LRRC37A2: variants seen among roughly 807,000 people sequenced by gnomAD.
LRRC37A2 encodes leucine-rich repeat-containing protein 37A2.
LRRC37A2 carries 9 observed loss-of-function variants against 68.8 expected under a neutral mutation model. That is an observed-to-expected ratio of 0.13 (90% CI 0.08 to 0.23). LRRC37A2 has a LOEUF of 0.23. LRRC37A2 is among the 10% of genes least tolerant of loss of function. The probability of loss-of-function intolerance (pLI) is 1.00; values close to 1 mark genes in which losing one functional copy is unlikely to be tolerated. For synonymous variants in LRRC37A2, 63 were observed against 367.6 expected (o/e 0.17, Z 9.48); for missense variants, 168 against 950.4 (o/e 0.18, Z 10.82).
the LRRC37A2 span, among the ~76,000 whole-genome samples, chr17:46,953,644 A>G: frequency 6.6e-6 from 1 of 152,198 alleles, no homozygotes. Context: ...CAATGGTTGA[A>G]CTAGTTTACA....
the LRRC37A2 span, among the ~76,000 whole-genome samples, chr17:46,873,723 G>A: frequency 6.6e-6 from 1 of 150,608 alleles, no homozygotes; most frequent in South Asian, 2.1e-4. Context: ...AAACACTGCA[G>A]TTGGCCGGTT....
the LRRC37A2 span, among the ~76,000 whole-genome samples, chr17:46,992,262 G>A: frequency 2.1e-5 from 3 of 142,126 alleles, no homozygotes; most frequent in South Asian, 6.6e-4. Context: ...CAGCTATGTG[G>A]GAAGCCGAGG....
At chr17:47,000,048 TAAAA>T in the LRRC37A2 span, among the ~76,000 whole-genome samples, 599 of 27,852 alleles carry the variant, frequency 0.022, 87 homozygotes, top group Admixed American at 0.036. Flanking sequence ...TAAAATAAAA[TAAAA>T]TAAAATAAAA....
chr17:46,814,661 A>C, the LRRC37A2 span, among the ~76,000 whole-genome samples: 4 of 152,216 alleles, frequency 2.6e-5, no homozygotes, highest in Non-Finnish European at 5.9e-5. Flanking sequence ...GCCCAGCCCC[A>C]GCGAGCTGTA....
chr17:46,823,204 A>AT, the LRRC37A2 span, among the ~76,000 whole-genome samples: 314 of 131,530 alleles, frequency 2.4e-3, 9 homozygotes, highest in African/African-American at 8.3e-3. Context: ...ATATTTATAT[A>AT]TAATATATTA....
the LRRC37A2 span, among the ~76,000 whole-genome samples, chr17:46,749,189 C>CTGAG: frequency 6.6e-6 from 1 of 152,038 alleles, no homozygotes; most frequent in Non-Finnish European, 1.5e-5. Flanking sequence ...AGAAAGGGAA[C>CTGAG]TGAGAATGGT....
At chr17:47,015,006 CTTTTTTT>C in the LRRC37A2 span, among the ~76,000 whole-genome samples, 1 of 106,144 alleles carries the variant, frequency 9.4e-6, no homozygotes. Flanking sequence ...CCATTTTTAT[CTTTTTTT>C]TTTTTTTTTT....
the LRRC37A2 span, among the ~76,000 whole-genome samples, chr17:46,841,964 C>T: frequency 1.3e-5 from 2 of 152,212 alleles, no homozygotes; most frequent in South Asian, 4.1e-4. Flanking sequence ...CGTCCGCGGC[C>T]GCCGCGAGCA....
chr17:46,757,370 A>C, the LRRC37A2 span: 1 of 152,618 alleles, frequency 6.6e-6, no homozygotes, highest in Non-Finnish European at 1.5e-5. Context: ...TTGTTAAATG[A>C]GCTTAATGTC....
the LRRC37A2 span, among the ~76,000 whole-genome samples, chr17:46,718,107 G>T: frequency 3.2e-4 from 49 of 152,166 alleles, no homozygotes; most frequent in Non-Finnish European, 5.9e-4. Flanking sequence ...CAGGGCCTGG[G>T]GACTGACAGC....
chr17:46,887,905 A>C, the LRRC37A2 span, among the ~76,000 whole-genome samples: 1 of 152,244 alleles, frequency 6.6e-6, no homozygotes, highest in African/African-American at 2.4e-5. Flanking sequence ...CTCTTAAAAC[A>C]CAGAAGACAG....
At chr17:46,633,314 GTTTTTTTGTTT>G in the LRRC37A2 span, among the ~76,000 whole-genome samples, 1 of 95,700 alleles carries the variant, frequency 1.0e-5, no homozygotes, top group East Asian at 2.2e-4. Flanking sequence ...GTTGGTTTTT[GTTTTTTTGTTT>G]TTTTTTTGTT....
chr17:47,044,438 A>G, the LRRC37A2 span, among the ~76,000 whole-genome samples: 4 of 150,932 alleles, frequency 2.7e-5, no homozygotes, highest in Non-Finnish European at 5.9e-5. Flanking sequence ...TTGGGTGATG[A>G]TAGTCCTCTG....
chr17:46,939,730 G>A, the LRRC37A2 span: 1 of 986,758 alleles, frequency 1.0e-6, no homozygotes, highest in South Asian at 4.7e-5. Context: ...GACATCTGTA[G>A]TGTGTATGTC....
chr17:46,821,075 C>G, the LRRC37A2 span: 1 of 152,150 alleles, frequency 6.6e-6, no homozygotes, highest in African/African-American at 2.4e-5. Flanking sequence ...GTGCTGTGGG[C>G]AAGAACATCA....
At chr17:46,924,937 AC>A in the LRRC37A2 span, among the ~76,000 whole-genome samples, 1 of 152,190 alleles carries the variant, frequency 6.6e-6, no homozygotes, top group Non-Finnish European at 1.5e-5. Flanking sequence ...GAAGGCCATG[AC>A]CCATTTTATA....
chr17:46,545,616 T>C (rs200056038), intron 8 of LRRC37A2, among the ~76,000 whole-genome samples: 4,997 of 124,644 alleles, frequency 0.04, 13 homozygotes, highest in East Asian at 0.3. Context: ...AGTGACACTT[T>C]TAAAAATTCT....
chr17:46,975,148 A>G, the LRRC37A2 span: 1 of 152,156 alleles, frequency 6.6e-6, no homozygotes, highest in Non-Finnish European at 1.5e-5. Context: ...GGCTTCTTCA[A>G]ACACATCATG....
chr17:46,980,991 G>T, the LRRC37A2 span, among the ~76,000 whole-genome samples: 66 of 152,296 alleles, frequency 4.3e-4, no homozygotes, highest in East Asian at 9.8e-3. Context: ...AAAAGTCTTT[G>T]CCTGAGTAGC....
Sources: gnomAD v4.1 joint callset for allele counts (sites outside exome capture counted in the v4.1 genomes callset) on GRCh38, gnomAD v4.1.1 for gene constraint, MANE v1.5 for transcripts, NCBI Gene and HGNC (gene_info 2026-07-23, HGNC 2026-07-21) for gene names.